The following WNT3A variants were observed in gnomAD, a reference collection of about 807,000 sequenced individuals.
WNT3A encodes Wnt family member 3A, also known as protein Wnt-3a.
A neutral mutation model predicts 37.0 loss-of-function variants in WNT3A; 17 were observed. That is an observed-to-expected ratio of 0.46 (90% CI 0.31 to 0.69). The LOEUF (loss-of-function observed/expected upper bound fraction) is 0.69, where lower values mean the gene tolerates loss of function less well. Ranked by LOEUF, WNT3A falls within the 30% of genes least tolerant of loss-of-function variation. The pLI is 0.05. For missense variants in WNT3A, 411 were observed against 510.2 expected, an observed-to-expected ratio of 0.81 and a Z score of 1.87; for synonymous variants, 187 against 211.0, an observed-to-expected ratio of 0.89 and a Z score of 0.99.
At chr1:228,023,906 G>T (rs978741917) in intron 2 of WNT3A, among the ~76,000 whole-genome samples, 34 of 152,206 alleles carry the variant, frequency 2.2e-4, no homozygotes, top group African/African-American at 7.7e-4. Flanking sequence ...TTAAGAAACG[G>T]CATCACTCAA....
chr1:228,055,328 T>A (rs900553198), intron 3 of WNT3A, among the ~76,000 whole-genome samples: 14 of 147,914 alleles, frequency 9.5e-5, no homozygotes, highest in African/African-American at 3.5e-4. Flanking sequence ...GTCTGCACTC[T>A]CCTGGAACCC....
rs539296837 is a variant in WNT3A, at chr1:228,007,625, AAC to A, written c.71+437_71+438del. ...CCTCAAAAACCGTATCTTACACACA[AAC>A]ACACACACACGTTTTAAAACAAAGT... On this transcript the variant is annotated intron_variant, in intron 1 of 3. Transcript: ENST00000284523. The surrounding 1 kb of genome is among the most constrained non-coding windows in gnomAD (Gnocchi z 6.0). Among the ~76,000 whole-genome samples, 596 of 152,152 alleles carry A rather than the reference AAC, an allele frequency of 3.9e-3. 1 individual carries two copies. The highest frequency in any genetic ancestry group is 5.5e-3 in the Non-Finnish European group (376 of 67,980).
intron 1 of WNT3A, among the ~76,000 whole-genome samples, chr1:228,012,403 A>T (rs1224556091): frequency 6.6e-6 from 1 of 152,234 alleles, no homozygotes; most frequent in Non-Finnish European, 1.5e-5. Context: ...TAGCGGTTTG[A>T]CGGTGCTGCA....
intron 1 of WNT3A, among the ~76,000 whole-genome samples, chr1:228,011,025 G>T (rs1260808011): frequency 6.6e-6 from 1 of 152,190 alleles, no homozygotes; most frequent in Non-Finnish European, 1.5e-5. Flanking sequence ...TGTCTGCACT[G>T]CACCACCGCC....
Position 228,060,107 on chromosome 1 carries a change from T to C in WNT3A, c.*642T>C. 1 of 1,285,562 alleles carries C rather than the reference T, an allele frequency of 7.8e-7. No homozygotes were observed. The highest frequency in any genetic ancestry group is 1.0e-6 in the Non-Finnish European group (1 of 988,368). The allele number at this position is 1,285,562 out of a possible 1,614,324, so 79.6% of individuals were successfully genotyped here. A position where few individuals can be genotyped will look rare whatever the true frequency, so the allele number is the denominator to read the frequency against. Reference sequence around the variant, plus strand: ...TAGGCTCCTTCCTGTGGGTGGGGCTTCTCTGGGACCAGGCTCCAATGGGGC... The same window carrying C: ...TAGGCTCCTTCCTGTGGGTGGGGCTCCTCTGGGACCAGGCTCCAATGGGGC... On this transcript the variant is annotated 3_prime_UTR_variant, in exon 4 of 4. Coordinates refer to ENST00000284523, the MANE Select transcript of WNT3A (RefSeq NM_033131.4).
intron 3 of WNT3A, among the ~76,000 whole-genome samples, chr1:228,051,359 G>A (rs1273606362): frequency 2.6e-5 from 4 of 152,170 alleles, no homozygotes; most frequent in Non-Finnish European, 4.4e-5. Context: ...GACAACAAGC[G>A]ACTTGGTGGG....
intron 3 of WNT3A, among the ~76,000 whole-genome samples, chr1:228,052,571 G>C (rs925619669): frequency 3.3e-5 from 5 of 152,232 alleles, no homozygotes; most frequent in Non-Finnish European, 7.3e-5. Context: ...GATGGGCAGT[G>C]ACGGGCGTAA....
At chr1:228,054,657 T>C (rs1262111826) in intron 3 of WNT3A, among the ~76,000 whole-genome samples, 1 of 129,912 alleles carries the variant, frequency 7.7e-6, no homozygotes, top group Non-Finnish European at 1.6e-5. Flanking sequence ...GAAAACACAA[T>C]GTCCAGCACA....
chr1:228,044,669 T>G (rs2031360767), intron 2 of WNT3A, among the ~76,000 whole-genome samples: 1 of 152,206 alleles, frequency 6.6e-6, no homozygotes, highest in Non-Finnish European at 1.5e-5. Context: ...GTTAACTCAG[T>G]CCCCAGAATA....
Position 228,039,491 on chromosome 1 carries a change from G to A in WNT3A, c.314-11165G>A, listed in dbSNP as rs1442458770. Among the ~76,000 whole-genome samples, 3 of 152,154 alleles carry A rather than the reference G, an allele frequency of 2.0e-5. No individual in the cohort carries two copies. Among genetic ancestry groups the A allele is most frequent in the Non-Finnish European group, 4.4e-5 (3 of 68,016 alleles). ...CCTCCCAACCCCCTTCTCCTGGCAG[G>A]CTCCTGTTCAGGGTCTTGTCCAGGG... is the stretch of plus-strand genomic sequence containing the variant. On this transcript the variant is annotated intron_variant, in intron 2 of 3. Transcript: ENST00000284523. This position sits in a 1 kb window ranked among gnomAD's most constrained non-coding sequence, Gnocchi z 4.1.
chr1:228,028,167 G>A (rs1464006988), intron 2 of WNT3A, among the ~76,000 whole-genome samples: 1 of 152,092 alleles, frequency 6.6e-6, no homozygotes, highest in African/African-American at 2.4e-5. Context: ...TGCTGTTTTG[G>A]TCACTATAGC....
intron 1 of WNT3A, among the ~76,000 whole-genome samples, chr1:228,018,715 G>A (rs767521627): frequency 6.6e-6 from 1 of 152,092 alleles, no homozygotes; most frequent in Non-Finnish European, 1.5e-5. Flanking sequence ...TCTTTTTAAT[G>A]ACCCAACTGA....
Position 228,038,147 on chromosome 1 carries a change from C to T in WNT3A, c.314-12509C>T, listed in dbSNP as rs907490992. On this transcript the variant is annotated intron_variant, in intron 2 of 3. Transcript: ENST00000284523. The surrounding 1 kb of genome is among the most constrained non-coding windows in gnomAD (Gnocchi z 5.7). The stretch of plus-strand genomic sequence containing the variant: ...GCCGCATTCCGCTCTCAGGTGGCTC[C>T]GGGGCCTTTTGTGCAGGCCATGATT... Among the ~76,000 whole-genome samples, 44 of 151,930 alleles carry T rather than the reference C, an allele frequency of 2.9e-4. No homozygotes were observed. Among genetic ancestry groups the T allele is most frequent in the Non-Finnish European group, 4.1e-4 (28 of 67,924 alleles).
At chr1:228,010,764 C>T (rs2030346348) in intron 1 of WNT3A, among the ~76,000 whole-genome samples, 1 of 152,252 alleles carries the variant, frequency 6.6e-6, no homozygotes, top group Non-Finnish European at 1.5e-5. Flanking sequence ...CAGCCTCGCT[C>T]ATGCTCCCTC....
chr1:228,057,006 G>A (rs1370456679), intron 3 of WNT3A, among the ~76,000 whole-genome samples: 1 of 151,122 alleles, frequency 6.6e-6, no homozygotes, highest in Admixed American at 6.6e-5. Context: ...CCTTTTCTGG[G>A]AAAAAAAAAT....
At chr1:228,013,813 G>C (rs977412078) in intron 1 of WNT3A, among the ~76,000 whole-genome samples, 12 of 152,230 alleles carry the variant, frequency 7.9e-5, no homozygotes, top group African/African-American at 2.9e-4. Flanking sequence ...TCCACCAACA[G>C]GGAAACACTT....
rs2031770241 is a variant in WNT3A at position 228,060,078 on chromosome 1, T to G, written c.*613T>G. On this transcript the variant is annotated 3_prime_UTR_variant, in exon 4 of 4. Transcript: ENST00000284523. The stretch of plus-strand genomic sequence containing the variant: ...GCTGTGGCTCTGGGTGGGCGTGGCC[T>G]GCATAGGCTCCTTCCTGTGGGTGGG... The G allele has an allele frequency of 8.2e-7, 1 of 1,218,990 alleles. No individual in the cohort carries two copies. The highest frequency in any genetic ancestry group is 1.0e-6 in the Non-Finnish European group (1 of 953,976). The allele number at this position is 1,218,990 out of a possible 1,614,324, so 75.5% of individuals were successfully genotyped here. A position where few individuals can be genotyped will look rare whatever the true frequency, so the allele number is the denominator to read the frequency against.
In WNT3A at chr1:228,042,249, T is replaced by C. The variant is rs2031301148; in HGVS notation, c.314-8407T>C. On this transcript the variant is annotated intron_variant, in intron 2 of 3. Coordinates refer to ENST00000284523, the MANE Select transcript of WNT3A (RefSeq NM_033131.4). The surrounding 1 kb of genome is among the most constrained non-coding windows in gnomAD (Gnocchi z 5.2). ...ACCTCAGCCTCCCAAAGTGCTGGGA[T>C]TACAGCTGTGAGCCACCGCGCCCAG... Among the ~76,000 whole-genome samples the C allele has an allele frequency of 6.6e-6, 1 of 152,196 alleles. No individual in the cohort carries two copies. The highest frequency in any genetic ancestry group is 2.4e-5 in the African/African-American group (1 of 41,454).
chr1:228,022,118 G>A (rs561104447), intron 1 of WNT3A, among the ~76,000 whole-genome samples: 2 of 152,300 alleles, frequency 1.3e-5, no homozygotes, highest in South Asian at 4.1e-4. Flanking sequence ...CCAGCATTGA[G>A]TATTTATTCT....
Sources: gnomAD v4.1 joint callset for allele counts (sites outside exome capture counted in the v4.1 genomes callset) on GRCh38, gnomAD v4.1.1 for gene constraint, Gnocchi (gnomAD v3.1) non-coding constraint, MANE v1.5 for transcripts, NCBI Gene and HGNC (gene_info 2026-07-23, HGNC 2026-07-21) for gene names.